RBFOX1: variants seen among roughly 807,000 people sequenced by gnomAD.
RBFOX1 encodes RNA binding fox-1 homolog 1.
RBFOX1 carries 8 observed loss-of-function variants against 57.7 expected under a neutral mutation model. The observed-to-expected ratio is 0.14, with a 90% CI of 0.08 to 0.25. The LOEUF (loss-of-function observed/expected upper bound fraction) is 0.25. RBFOX1 is among the 10% of genes least tolerant of loss of function. RBFOX1 has a pLI of 1.00. For synonymous variants in RBFOX1, 326 were observed against 222.4 expected, an observed-to-expected ratio of 1.47 and a Z score of -4.15; for missense variants, 611 against 548.5, an observed-to-expected ratio of 1.11 and a Z score of -1.14.
At chr16:7,551,088 CA>C (rs539169022) in intron 5 of RBFOX1, among the ~76,000 whole-genome samples, 406 of 76,712 alleles carry the variant, frequency 5.3e-3, no homozygotes, top group South Asian at 0.016. Flanking sequence ...GAGCGAGACT[CA>C]AAAAAAAAAA....
At chr16:6,885,977 C>T (rs974596497) in intron 3 of RBFOX1, among the ~76,000 whole-genome samples, 1 of 152,096 alleles carries the variant, frequency 6.6e-6, no homozygotes, top group Non-Finnish European at 1.5e-5. Flanking sequence ...GAATCACAAA[C>T]CACATGGACT....
intron 1 of RBFOX1, among the ~76,000 whole-genome samples, chr16:5,459,442 G>T (rs950978967): frequency 2.6e-5 from 4 of 152,056 alleles, no homozygotes; most frequent in Non-Finnish European, 4.4e-5. Flanking sequence ...AGGCTCTCAG[G>T]TCCCCAGATC....
At chr16:5,353,783 C>T (rs1005853196) in intron 1 of RBFOX1, among the ~76,000 whole-genome samples, 12 of 151,020 alleles carry the variant, frequency 7.9e-5, no homozygotes, top group Admixed American at 1.3e-4. Context: ...TCCCTTAGGA[C>T]GTCTCGGGGG....
intron 4 of RBFOX1, among the ~76,000 whole-genome samples, chr16:7,430,346 C>T (rs1323337531): frequency 6.6e-6 from 1 of 152,162 alleles, no homozygotes; most frequent in South Asian, 2.1e-4. Context: ...TTTGAAACAA[C>T]TTCCTTCTTT....
intron 4 of RBFOX1, among the ~76,000 whole-genome samples, chr16:5,984,158 C>T (rs1321867696): frequency 2.3e-5 from 1 of 42,834 alleles, no homozygotes; most frequent in Admixed American, 2.2e-4. Flanking sequence ...CCCTCCCCCT[C>T]CTCCTCCTCC....
At chr16:7,379,846 C>G (rs1312416600) in intron 4 of RBFOX1, among the ~76,000 whole-genome samples, 1 of 151,798 alleles carries the variant, frequency 6.6e-6, no homozygotes, top group African/African-American at 2.4e-5. Context: ...CTTCCTTCCT[C>G]TTTTCTCTTC....
Position 6,367,123 on chromosome 16 carries a change from T to C in RBFOX1, c.-64+50066T>C, listed in dbSNP as rs7205045. Among the ~76,000 whole-genome samples, 1,343 of 152,324 alleles carry C rather than the reference T, an allele frequency of 8.8e-3. 22 individuals carry two copies. Among genetic ancestry groups the C allele is most frequent in the African/African-American group, 0.031 (1,283 of 41,584 alleles). On this transcript the variant is annotated intron_variant, in intron 2 of 15. Transcript: ENST00000550418. ...CAAAGTTCCACCTCGATGCAGGTGA[T>C]AAAACTAGGGCAAAATGAATAAAGT...
At chr16:6,682,425 T>C (rs2058794672) in intron 3 of RBFOX1, among the ~76,000 whole-genome samples, 1 of 152,190 alleles carries the variant, frequency 6.6e-6, no homozygotes, top group East Asian at 1.9e-4. Flanking sequence ...AAAAAGTGTT[T>C]CATTTTATGG....
At chr16:7,380,627 G>T (rs577659035) in intron 4 of RBFOX1, among the ~76,000 whole-genome samples, 1 of 152,184 alleles carries the variant, frequency 6.6e-6, no homozygotes, top group African/African-American at 2.4e-5. Context: ...CAATTCAGAC[G>T]CTGGCAGCAG....
chr16:5,539,797 G>C (rs1347449752), intron 2 of RBFOX1, among the ~76,000 whole-genome samples: 2 of 152,082 alleles, frequency 1.3e-5, no homozygotes. Flanking sequence ...ATTTTTTTAA[G>C]CATTATCATC....
rs141677543 is a variant in RBFOX1, at chr16:7,068,077, G to C, written c.27+15979G>C. ...TTCTTCTGTTGTATCTGTCGGACTG[G>C]TTTCTCTCCTGCTTTTAAGGGTTCA... On this transcript the variant is annotated intron_variant, in intron 4 of 15. Transcript: ENST00000550418. Among the ~76,000 whole-genome samples the C allele has an allele frequency of 3.3e-5, 5 of 151,294 alleles. No individual in the cohort carries two copies. In the East Asian group the frequency reaches 7.8e-4, roughly 24 times the overall value.
chr16:5,485,989 C>A (rs994188955), intron 2 of RBFOX1, among the ~76,000 whole-genome samples: 1 of 152,228 alleles, frequency 6.6e-6, no homozygotes, highest in Non-Finnish European at 1.5e-5. Flanking sequence ...TGCAAAGCAG[C>A]CAGCTCATAG....
At chr16:6,654,703 A>T in intron 3 of RBFOX1, 53 bp downstream of exon 3, 3 of 1,384,658 alleles carry the variant, frequency 2.2e-6, no homozygotes, top group Non-Finnish European at 2.9e-6. Flanking sequence ...GAACTCTGTG[A>T]ATTGAACCCA....
chr16:6,795,317 A>C (rs915569203), intron 3 of RBFOX1, among the ~76,000 whole-genome samples: 1 of 152,212 alleles, frequency 6.6e-6, no homozygotes, highest in Admixed American at 6.5e-5. Flanking sequence ...TGATTTTTCC[A>C]ACACTGGTTT....
intron 1 of RBFOX1, among the ~76,000 whole-genome samples, chr16:5,458,014 CT>C (rs1456907012): frequency 6.6e-6 from 1 of 152,086 alleles, no homozygotes; most frequent in Non-Finnish European, 1.5e-5. Flanking sequence ...TCTTTGCTGT[CT>C]TGGGGGTAGA....
intron 2 of RBFOX1, among the ~76,000 whole-genome samples, chr16:6,434,866 T>G (rs1475662734): frequency 6.6e-6 from 1 of 152,222 alleles, no homozygotes; most frequent in Non-Finnish European, 1.5e-5. Context: ...TTTACTGAGT[T>G]ATTACTATGT....
chr16:6,090,316 G>A (rs985558603), intron 1 of RBFOX1, among the ~76,000 whole-genome samples: 7 of 152,130 alleles, frequency 4.6e-5, no homozygotes, highest in African/African-American at 1.7e-4. Context: ...CTGTTGCCCT[G>A]TAAGGTAAAA....
chr16:7,584,816 G>T (rs1027057696), intron 6 of RBFOX1, among the ~76,000 whole-genome samples: 7 of 152,144 alleles, frequency 4.6e-5, no homozygotes, highest in Non-Finnish European at 1.0e-4. Context: ...TTGGAAATGG[G>T]GCTTACATCA....
intron 2 of RBFOX1, among the ~76,000 whole-genome samples, chr16:5,594,274 C>A (rs1470995979): frequency 6.6e-6 from 1 of 152,158 alleles, no homozygotes; most frequent in Non-Finnish European, 1.5e-5. Flanking sequence ...ATTGATACAT[C>A]TGGATGTGGC....
Sources: allele counts gnomAD v4.1 joint callset (sites outside exome capture counted in the v4.1 genomes callset), GRCh38; gene constraint gnomAD v4.1.1; transcripts MANE v1.5; gene names NCBI Gene and HGNC (gene_info 2026-07-23, HGNC 2026-07-21).